The following COL5A2 variants were observed in gnomAD, a reference collection of about 807,000 sequenced individuals.
COL5A2 encodes collagen alpha-2(V) chain.
COL5A2 carries 23 observed loss-of-function variants against 208.2 expected under a neutral mutation model. The observed-to-expected ratio is 0.11, with a 90% confidence interval of 0.08 to 0.16. The LOEUF is 0.16. Ranked by LOEUF, COL5A2 falls within the 10% of genes least tolerant of loss-of-function variation. The pLI is 1.00. For synonymous variants in COL5A2, 625 were observed against 628.5 expected (o/e 0.99, Z 0.08); for missense variants, 1,590 against 1,956.4 (o/e 0.81, Z 3.53).
chr2:189,290,712 G>A, the COL5A2 span, among the ~76,000 whole-genome samples: 1,043 of 46,784 alleles, frequency 0.022, 6 homozygotes, highest in Non-Finnish European at 0.032. Flanking sequence ...GAGGATTTTT[G>A]TTAATACACA....
intron 6 of COL5A2, among the ~76,000 whole-genome samples, chr2:189,095,478 CCT>C (rs140048790): frequency 1.3e-5 from 2 of 150,762 alleles, no homozygotes; most frequent in African/African-American, 2.4e-5. Context: ...CCCCTTTCTC[CCT>C]CTCTCTCTCT....
At chr2:189,120,415 G>C (rs1200874330) in intron 1 of COL5A2, among the ~76,000 whole-genome samples, 1 of 152,062 alleles carries the variant, frequency 6.6e-6, no homozygotes, top group Non-Finnish European at 1.5e-5. Context: ...GAGAGGTTTT[G>C]TCTAATGCTG....
the COL5A2 span, among the ~76,000 whole-genome samples, chr2:189,430,801 A>G: frequency 6.6e-6 from 1 of 152,368 alleles, no homozygotes; most frequent in Admixed American, 6.5e-5. Flanking sequence ...GCAATCTGGC[A>G]GCTCTGAAGA....
At chr2:189,357,374 G>A in the COL5A2 span, among the ~76,000 whole-genome samples, 1 of 152,180 alleles carries the variant, frequency 6.6e-6, no homozygotes, top group Non-Finnish European at 1.5e-5. Flanking sequence ...AGGGAGATGG[G>A]GGTTTTATCT....
intron 1 of COL5A2, among the ~76,000 whole-genome samples, chr2:189,210,230 G>A (rs915003145): frequency 5.9e-5 from 9 of 151,834 alleles, no homozygotes; most frequent in Non-Finnish European, 8.8e-5. Flanking sequence ...AAAAGAAGAG[G>A]AAAAAAGGAA....
chr2:189,135,828 C>A (rs1288575462), intron 1 of COL5A2, among the ~76,000 whole-genome samples: 1 of 152,136 alleles, frequency 6.6e-6, no homozygotes, highest in Non-Finnish European at 1.5e-5. Flanking sequence ...GTTTTATATT[C>A]TTGATCTCAC....
chr2:189,071,086 T>C (rs1253233787), intron 18 of COL5A2, among the ~76,000 whole-genome samples: 1 of 152,170 alleles, frequency 6.6e-6, no homozygotes, highest in Non-Finnish European at 1.5e-5. Context: ...CCAATTTGAG[T>C]AGCACAACTA....
the COL5A2 span, among the ~76,000 whole-genome samples, chr2:189,387,030 C>T: frequency 6.6e-6 from 1 of 152,034 alleles, no homozygotes; most frequent in Non-Finnish European, 1.5e-5. Context: ...TTCATTGCAG[C>T]GTTATTCACA....
At chr2:189,171,871 T>A (rs1688580184) in intron 1 of COL5A2, among the ~76,000 whole-genome samples, 1 of 151,792 alleles carries the variant, frequency 6.6e-6, no homozygotes, top group South Asian at 2.1e-4. Flanking sequence ...AAAAGCAAAA[T>A]GCTACAGGAA....
intron 45 of COL5A2, 27 bp from the exon 46 acceptor site, chr2:189,045,934 T>C: frequency 1.3e-6 from 2 of 1,580,228 alleles, no homozygotes; most frequent in African/African-American, 1.3e-5. Context: ...TGATATTATT[T>C]TTTAACATTT....
chr2:189,168,642 C>T (rs1400634976), intron 1 of COL5A2, among the ~76,000 whole-genome samples: 1 of 152,020 alleles, frequency 6.6e-6, no homozygotes, highest in African/African-American at 2.4e-5. Flanking sequence ...ACTATGAAAG[C>T]TAAATGAAAA....
At position 189,039,551 on chromosome 2, in the gene COL5A2, C is replaced by T. The variant is rs755429175; in HGVS notation, c.3646G>A (p.Glu1216Lys). ...GEAGPEGPPG[E>K]PGPPGPPGPP... ...CCCGGAGGGCCAGGTGGGCCAGGCT[C>T]ACCAGGAGGGCCCTAATTAAAAAGA... is the stretch of plus-strand genomic sequence containing the variant. Residue 1216 changes from glutamate (E) to lysine (K), a missense_variant, in exon 51 of 54, where the codon GAG becomes AAG. By Grantham distance (56) the Glu-to-Lys change is moderately conservative. Coordinates refer to ENST00000374866, the MANE Select transcript of COL5A2 (RefSeq NM_000393.5). 3.8e-5 allele frequency: 62 copies of T among 1,613,466 alleles called. No individual in the cohort carries two copies. The Middle Eastern group carries it at 5.1e-4, about 13-fold the overall frequency.
At chr2:189,035,212 A>C in intron 52 of COL5A2, 57 bp from the exon 53 acceptor site, 1 of 1,599,960 alleles carries the variant, frequency 6.3e-7, no homozygotes, top group Non-Finnish European at 8.6e-7. Context: ...ATAATGCCTT[A>C]CACATGTATA....
chr2:189,418,023 A>T, the COL5A2 span, among the ~76,000 whole-genome samples: 1 of 151,996 alleles, frequency 6.6e-6, no homozygotes, highest in African/African-American at 2.4e-5. Context: ...TTATTTTTTT[A>T]ATTTGTAATA....
the COL5A2 span, among the ~76,000 whole-genome samples, chr2:189,269,025 T>C: frequency 1.4e-4 from 21 of 152,266 alleles, no homozygotes; most frequent in African/African-American, 4.6e-4. Flanking sequence ...AGAGATTCCA[T>C]AGAATTGGTC....
At chr2:189,279,927 G>A in the COL5A2 span, among the ~76,000 whole-genome samples, 1 of 152,092 alleles carries the variant, frequency 6.6e-6, no homozygotes, top group Admixed American at 6.6e-5. Context: ...TTAGAGGTGG[G>A]GCCTTTGGGA....
the COL5A2 span, among the ~76,000 whole-genome samples, chr2:189,286,762 C>A: frequency 1.3e-5 from 2 of 152,084 alleles, no homozygotes; most frequent in Non-Finnish European, 2.9e-5. Context: ...CTTCCCAATT[C>A]ATAAATACAA....
chr2:189,388,536 T>C, the COL5A2 span, among the ~76,000 whole-genome samples: 35 of 152,254 alleles, frequency 2.3e-4, no homozygotes, highest in African/African-American at 7.7e-4. Flanking sequence ...CCAAGATAAA[T>C]GGCGGGATTT....
chr2:189,349,338 A>G, the COL5A2 span, among the ~76,000 whole-genome samples: 1 of 152,206 alleles, frequency 6.6e-6, no homozygotes, highest in African/African-American at 2.4e-5. Context: ...GTGACAAAGG[A>G]AGGAACAATA....
Sources: allele counts gnomAD v4.1 joint callset (sites outside exome capture counted in the v4.1 genomes callset), GRCh38; gene constraint gnomAD v4.1.1; transcripts MANE v1.5; gene names NCBI Gene and HGNC (gene_info 2026-07-23, HGNC 2026-07-21).